The following SBNO2 variants were observed in gnomAD, a reference collection of about 807,000 sequenced individuals.
SBNO2 encodes protein strawberry notch homolog 2.
SBNO2 carries 89 observed loss-of-function variants against 146.3 expected under a neutral mutation model. The observed-to-expected ratio is 0.61, with a 90% CI of 0.51 to 0.73. The LOEUF is 0.73. Ranked by LOEUF, SBNO2 falls within the 30% of genes least tolerant of loss-of-function variation. The pLI is 0.00. For synonymous variants in SBNO2, 1,147 were observed against 892.6 expected, an observed-to-expected ratio of 1.29 and a Z score of -5.08; for missense variants, 2,092 against 2,003.7, an observed-to-expected ratio of 1.04 and a Z score of -0.84.
chr19:1,120,026 G>T lies in SBNO2; in HGVS notation c.1150-3C>A, dbSNP rs1398761990. On this transcript the variant is annotated splice_polypyrimidine_tract_variant and splice_region_variant and intron_variant, in intron 11 of 31. Coordinates refer to ENST00000361757, the MANE Select transcript of SBNO2 (RefSeq NM_014963.3). ...TTGTGACACTCGTCGAACACGATCT[G>T]AGGCACACGTGGGTTAAGGAGTATT... 4 of 1,550,260 alleles carry T rather than the reference G, an allele frequency of 2.6e-6. No homozygotes were observed. The highest frequency in any genetic ancestry group is 3.5e-6 in the Non-Finnish European group (4 of 1,146,518).
intron 4 of SBNO2, chr19:1,132,344 C>G: frequency 8.0e-7 from 1 of 1,256,636 alleles, no homozygotes; most frequent in South Asian, 2.3e-5. Flanking sequence ...TGATGCCGGC[C>G]CCGTAAGTCA....
At position 1,150,878 on chromosome 19, in the gene SBNO2, G is replaced by A. The variant is rs2145307343; in HGVS notation, c.94-1436C>T. ...CCCCGACAGCCTCGAGATAGGCAAAGCCCTCGGGGTGACCGCTGCCCCGCT... is the reference window on the plus strand; with the variant it reads ...CCCCGACAGCCTCGAGATAGGCAAAACCCTCGGGGTGACCGCTGCCCCGCT... On this transcript the variant is annotated intron_variant, in intron 2 of 31. Coordinates refer to ENST00000361757, the MANE Select transcript of SBNO2 (RefSeq NM_014963.3). The surrounding 1 kb of genome is among the most constrained non-coding windows in gnomAD (Gnocchi z 6.2). Among the ~76,000 whole-genome samples, 1 of 152,312 alleles carries A rather than the reference G, an allele frequency of 6.6e-6. No homozygotes were observed. Among genetic ancestry groups the A allele is most frequent in the South Asian group, 2.1e-4 (1 of 4,828 alleles).
chr19:1,164,612 GAGGAGGAGGAAC>G (rs2080387643), intron 1 of SBNO2, among the ~76,000 whole-genome samples: 1 of 144,864 alleles, frequency 6.9e-6, no homozygotes, highest in Non-Finnish European at 1.5e-5. Context: ...ACAGGAGGAG[GAGGAGGAGGAAC>G]AGGAGGAGGA....
intron 4 of SBNO2, among the ~76,000 whole-genome samples, chr19:1,142,370 G>A (rs548364426): frequency 6.6e-6 from 1 of 150,870 alleles, no homozygotes; most frequent in African/African-American, 2.4e-5. Flanking sequence ...CCCAGGCACT[G>A]CCCGGGTCCA....
Position 1,154,195 on chromosome 19 carries a change from G to A in SBNO2, c.82C>T (p.Pro28Ser), listed in dbSNP as rs769972679. 9.6e-6 allele frequency: 12 copies of A among 1,245,084 alleles called. No homozygotes were observed. The African/African-American group carries it at 1.5e-4, about 16-fold the overall frequency. The allele number at this position is 1,245,084 out of a possible 1,614,324, so 77.1% of individuals were successfully genotyped here. The change falls in exon 2 of 32, where the codon CCG (proline) becomes TCG (serine). Residue 28 changes from proline (P) to serine (S), a missense_variant. Pro to Ser is a moderately conservative substitution (Grantham distance 74, BLOSUM62 -1). Coordinates refer to ENST00000361757, the MANE Select transcript of SBNO2 (RefSeq NM_014963.3). Reference sequence around the variant, plus strand: ...GGGGTGGGGCTCACCTGCAGGGGCGGCGGGCTGTACAGGAGGCTGCCCGCC... The same window carrying A: ...GGGGTGGGGCTCACCTGCAGGGGCGACGGGCTGTACAGGAGGCTGCCCGCC... ...PPAGSLLYSP[P>S]PLQSAMLHCP...
Position 1,108,938 on chromosome 19 carries a change from T to C in SBNO2, c.3457A>G (p.Lys1153Glu). The change falls in exon 31 of 32, where the codon AAG becomes GAG. Residue 1153 changes from lysine (K) to glutamate (E), a missense_variant. Lys to Glu is a moderately conservative substitution (Grantham distance 56, BLOSUM62 1). Coordinates refer to ENST00000361757, the MANE Select transcript of SBNO2 (RefSeq NM_014963.3). ...NRHCRLAQEG[K>E]DCLQGLRLRH... is the part of the protein sequence containing the mutation. The stretch of plus-strand genomic sequence containing the variant: ...AGCCGCAGCCCCTGCAGGCAGTCCT[T>C]ACCCTCCTGCGCCAGCCGGCAGTGC... 2.6e-6 allele frequency: 4 copies of C among 1,564,106 alleles called. No individual in the cohort carries two copies. The highest frequency in any genetic ancestry group is 3.4e-6 in the Non-Finnish European group (4 of 1,162,346).
rs950901750 is a variant in SBNO2 at position 1,136,935 on chromosome 19, C to T, written c.280-9170G>A. 6.6e-6 allele frequency among the ~76,000 whole-genome samples: 1 copy of T among 151,746 alleles called. No homozygotes were observed. The highest frequency in any genetic ancestry group is 2.0e-4 in the East Asian group (1 of 5,068). On this transcript the variant is annotated intron_variant, in intron 4 of 31. Transcript: ENST00000361757. This position sits in a 1 kb window ranked among gnomAD's most constrained non-coding sequence, Gnocchi z 4.2. ...ATGGGGACCCGGGATGGATGCCCGGCAGGTGGAGAGGTCCTCACAGGACAG... is the reference window on the plus strand; with the variant it reads ...ATGGGGACCCGGGATGGATGCCCGGTAGGTGGAGAGGTCCTCACAGGACAG...
intron 1 of SBNO2, among the ~76,000 whole-genome samples, chr19:1,164,953 A>G (rs1399570994): frequency 3.0e-4 from 16 of 53,118 alleles, no homozygotes; most frequent in Non-Finnish European, 2.7e-4. Flanking sequence ...AGGAGGAGGA[A>G]CAGGAGGAGG....
intron 1 of SBNO2, among the ~76,000 whole-genome samples, chr19:1,164,669 C>CAGGAGG (rs1269073805): frequency 1.2e-4 from 1 of 8,660 alleles, no homozygotes; most frequent in African/African-American, 4.4e-4. Flanking sequence ...GGAGGAGGAA[C>CAGGAGG]AGGAGGAGGA....
rs1182390359 is a variant in SBNO2 at position 1,112,693 on chromosome 19, C to T, written c.2379+125G>A. The T allele has an allele frequency of 1.3e-5, 19 of 1,439,420 alleles. No homozygotes were observed. The highest frequency in any genetic ancestry group is 1.7e-5 in the Non-Finnish European group (19 of 1,090,542). 89.2% of individuals were successfully genotyped at this position (1,439,420 alleles called of 1,614,324 possible). A position where few individuals can be genotyped will look rare whatever the true frequency, so the allele number is the denominator to read the frequency against. ...GCGGACACCACCCGCCACACGGCCA[C>T]TCGCGCCCGCACCTGGCACACACAC... On this transcript the variant is annotated intron_variant, in intron 20 of 31. Coordinates refer to ENST00000361757, the MANE Select transcript of SBNO2 (RefSeq NM_014963.3). This position sits in a 1 kb window ranked among gnomAD's most constrained non-coding sequence, Gnocchi z 5.9.
At position 1,109,484 on chromosome 19, in the gene SBNO2, G is replaced by C. The variant is rs752582984; in HGVS notation, c.3216+22C>G. 51 of 1,580,892 alleles carry C rather than the reference G, an allele frequency of 3.2e-5. No individual in the cohort carries two copies. The highest frequency in any genetic ancestry group is 4.3e-6 in the Non-Finnish European group (5 of 1,165,222). On this transcript the variant is annotated intron_variant, in intron 28 of 31. Transcript: ENST00000361757. This position sits in a 1 kb window ranked among gnomAD's most constrained non-coding sequence, Gnocchi z 4.2. ...GCCCCCCGCGGGCCCTCCTCTGGGG[G>C]GGTAACCCCGCCCGACCCCACCTTG... is the stretch of plus-strand genomic sequence containing the variant.
rs10427097 is a variant in SBNO2, at chr19:1,123,541, C to T, written c.621G>A (p.Pro207=). ...TGCAGCCGGGCCACTCACACTTGGA[C>T]GGCACGTAGTCGGCGTAGGTCTCTG... ...GHTETYADYV[P]SKSKIGKQHP... The change falls in exon 7 of 32, where the codon CCG becomes CCA. Residue 207 remains proline (P), a synonymous_variant. Transcript: ENST00000361757. The T allele has an allele frequency of 6.2e-3, 9,973 of 1,613,042 alleles. 540 individuals carry two copies. The African/African-American group carries it at 0.12, about 19-fold the overall frequency.
At chr19:1,123,496 G>C in intron 7 of SBNO2, 38 bp downstream of exon 7, 1 of 1,576,246 alleles carries the variant, frequency 6.3e-7, no homozygotes. Context: ...AAAAGGGTTT[G>C]AACCTGTCCC....
Position 1,147,327 on chromosome 19 carries a change from C to G in SBNO2, c.261G>C (p.Lys87Asn). Reference protein sequence around the residue: ...PVATASSLPPKTCDFAQDSSY... With the variant: ...PVATASSLPPNTCDFAQDSSY... ...CTCCTACCTGAGCAAAGTCGCAGGT[C>G]TTTGGTGGCAAGCTGGAGGCGGTGG... Residue 87 changes from lysine to asparagine, a missense_variant, in exon 4 of 32, where the codon AAG (lysine) becomes AAC (asparagine). Coordinates refer to ENST00000361757, the MANE Select transcript of SBNO2 (RefSeq NM_014963.3). The G allele has an allele frequency of 1.3e-6, 2 of 1,569,830 alleles. No homozygotes were observed. Among genetic ancestry groups the G allele is most frequent in the South Asian group, 1.2e-5 (1 of 85,990 alleles).
At position 1,157,932 on chromosome 19, in the gene SBNO2, C is replaced by CT. The variant is rs2080307904; in HGVS notation, c.-126-3531_-126-3530insA. ...ATAACTGTCCGCCTCCCAGCTCTCT[C>CT]CTGAGTCCGGATAACTGTCCGCCTC... On this transcript the variant is annotated intron_variant, in intron 1 of 31. Transcript: ENST00000361757. This position sits in a 1 kb window ranked among gnomAD's most constrained non-coding sequence, Gnocchi z 6.8. 1.3e-5 allele frequency among the ~76,000 whole-genome samples: 2 copies of CT among 150,434 alleles called. No homozygotes were observed. The highest frequency in any genetic ancestry group is 4.9e-5 in the African/African-American group (2 of 40,654).
In SBNO2 at chr19:1,109,166, A is replaced by C. The variant is rs1341410791; in HGVS notation, c.3394T>G (p.Leu1132Val). ...AKEPWESGYALSLTHCSHSAW... is the reference protein window; with the variant it reads ...AKEPWESGYAVSLTHCSHSAW... Reference sequence around the variant, plus strand: ...CTGTGGCTGCAGTGCGTCAGCGACAAAGCGTAGCCACTCTCCCAGGGCTCC... The same window carrying C: ...CTGTGGCTGCAGTGCGTCAGCGACACAGCGTAGCCACTCTCCCAGGGCTCC... Residue 1132 changes from leucine to valine, a missense_variant, in exon 30 of 32, where the codon TTG becomes GTG. By Grantham distance (32) the Leu-to-Val change is conservative (BLOSUM62 1). Coordinates refer to ENST00000361757, the MANE Select transcript of SBNO2 (RefSeq NM_014963.3). The surrounding 1 kb of genome is among the most constrained non-coding windows in gnomAD (Gnocchi z 4.2). The C allele has an allele frequency of 6.4e-7, 1 of 1,558,418 alleles. No individual in the cohort carries two copies.
rs2079708050 is a variant in SBNO2 at position 1,108,684 on chromosome 19, A to T, written c.3637T>A (p.Cys1213Ser). ...AGCTCCTGCAGCACCCGGCGCACGC[A>T]GCCCTCGGGGATCTTGATGCCTGCG... ...KQVGIKIPEG[C>S]VRRVLQELRL... Residue 1213 changes from cysteine to serine, a missense_variant, in exon 32 of 32, where the codon TGC (cysteine) becomes AGC (serine). Cys to Ser is a moderately radical substitution (Grantham distance 112, BLOSUM62 -1). Transcript: ENST00000361757. 2 of 1,538,646 alleles carry T rather than the reference A, an allele frequency of 1.3e-6. No homozygotes were observed. Among genetic ancestry groups the T allele is most frequent in the Non-Finnish European group, 8.7e-7 (1 of 1,151,132 alleles).
Position 1,119,682 on chromosome 19 carries a change from G to A in SBNO2, c.1268-61C>T, listed in dbSNP as rs533104189. ...GGAGGGCCCAGAGGCCGCGTCAGGG[G>A]ACGACTAAGTTGGGACCACCCGACG... On this transcript the variant is annotated intron_variant, in intron 12 of 31. Transcript: ENST00000361757. The A allele has an allele frequency of 2.5e-5, 36 of 1,430,076 alleles. No individual in the cohort carries two copies. The South Asian group carries it at 4.0e-4, about 16-fold the overall frequency. 88.6% of individuals were successfully genotyped at this position (1,430,076 alleles called of 1,614,324 possible).
At chr19:1,147,556 T>C in intron 3 of SBNO2, 136 bp from the exon 4 acceptor site, 3 of 534,562 alleles carry the variant, frequency 5.6e-6, no homozygotes, top group Non-Finnish European at 9.6e-6. Flanking sequence ...GCAGGACCCA[T>C]GGCCCCGCTG....
Sources: allele counts gnomAD v4.1 joint callset (sites outside exome capture counted in the v4.1 genomes callset), GRCh38; gene constraint gnomAD v4.1.1; non-coding constraint Gnocchi (gnomAD v3.1); transcripts MANE v1.5; gene names NCBI Gene and HGNC (gene_info 2026-07-23, HGNC 2026-07-21).